The following PYGO1 variants were observed in gnomAD, a reference collection of about 807,000 sequenced individuals.
The protein encoded by PYGO1 is pygopus family PHD finger 1, also known as pygopus homolog 1.
In PYGO1, 6 loss-of-function variants were observed where a neutral mutation model predicts 29.5. The observed-to-expected ratio is 0.20, with a 90% CI of 0.11 to 0.40. The LOEUF (loss-of-function observed/expected upper bound fraction) is 0.40. PYGO1 is among the 10% of genes least tolerant of loss of function. The pLI, the probability that PYGO1 is intolerant of heterozygous loss-of-function variation, is 1.00. For synonymous variants in PYGO1, 186 were observed against 180.5 expected (o/e 1.03, Z -0.24); for missense variants, 515 against 514.9 (o/e 1.00, Z 0.00).
Position 55,546,318 on chromosome 15 carries a change from C to T in PYGO1, c.965G>A (p.Ser322Asn), listed in dbSNP as rs1444364514. 34 of 1,614,028 alleles carry T rather than the reference C, an allele frequency of 2.1e-5. No homozygotes were observed. The highest frequency in any genetic ancestry group is 2.8e-5 in the Non-Finnish European group (33 of 1,180,024). ...GAADACTTEKSNKSSLHPNRH... is the reference protein window; with the variant it reads ...GAADACTTEKNNKSSLHPNRH... ...GTTTGGGTGAAGAGAGGATTTATTG[C>T]TTTTTTCTGTGGTGCAGGCATCTGC... Residue 322 changes from serine to asparagine, a missense_variant, in exon 3 of 3, where the codon AGC becomes AAC. By Grantham distance (46) the Ser-to-Asn change is conservative. Coordinates refer to ENST00000563719, the MANE Select transcript of PYGO1 (RefSeq NM_001367806.1).
rs1477392269 is a variant in PYGO1 at position 55,546,903 on chromosome 15, T to A, written c.380A>T (p.Gln127Leu). Reference sequence around the variant, plus strand: ...AGGATTCTGAGGAAATGGGTGTGGCTGGTTCCTGAGTGAGTAAGGACCACA... The same window carrying A: ...AGGATTCTGAGGAAATGGGTGTGGCAGGTTCCTGAGTGAGTAAGGACCACA... ...PYCGPYSLRN[Q>L]PHPFPQNPLG... The change falls in exon 3 of 3, where the codon CAG (glutamine) becomes CTG (leucine). Residue 127 changes from glutamine to leucine, a missense_variant. By Grantham distance (113) the Gln-to-Leu change is moderately radical. Coordinates refer to ENST00000563719, the MANE Select transcript of PYGO1 (RefSeq NM_001367806.1). 1 of 1,614,184 alleles carries A rather than the reference T, an allele frequency of 6.2e-7. No homozygotes were observed. The highest frequency in any genetic ancestry group is 8.5e-7 in the Non-Finnish European group (1 of 1,180,034).
intron 1 of PYGO1, among the ~76,000 whole-genome samples, chr15:55,574,089 T>C (rs1302748333): frequency 2.0e-5 from 3 of 152,168 alleles, no homozygotes; most frequent in Admixed American, 6.5e-5. Flanking sequence ...GCACTTTATA[T>C]GGGTCCCATG....
chr15:55,555,048 T>C (rs567842324), intron 1 of PYGO1, among the ~76,000 whole-genome samples: 4 of 151,286 alleles, frequency 2.6e-5, no homozygotes, highest in Admixed American at 6.6e-5. Flanking sequence ...AACCCCAAGA[T>C]ACATAATCAT....
intron 1 of PYGO1, among the ~76,000 whole-genome samples, chr15:55,553,281 C>T (rs750034612): frequency 6.6e-6 from 1 of 152,282 alleles, no homozygotes; most frequent in Admixed American, 6.5e-5. Context: ...GCTGTCTCTG[C>T]AGTTCAGTAG....
intron 1 of PYGO1, among the ~76,000 whole-genome samples, chr15:55,574,356 CATT>C (rs1447899363): frequency 4.6e-5 from 7 of 152,282 alleles, no homozygotes; most frequent in Admixed American, 2.0e-4. Flanking sequence ...AATACTGCAT[CATT>C]GTTTACCTTC....
At chr15:55,566,410 CT>C (rs879658021) in intron 1 of PYGO1, among the ~76,000 whole-genome samples, 46 of 146,620 alleles carry the variant, frequency 3.1e-4, no homozygotes, top group South Asian at 8.7e-4. Context: ...AGATTTCATT[CT>C]TTTTTTTTTA....
intron 1 of PYGO1, among the ~76,000 whole-genome samples, chr15:55,580,923 T>C (rs1041540864): frequency 6.6e-6 from 1 of 152,230 alleles, no homozygotes; most frequent in African/African-American, 2.4e-5. Context: ...ACTAATGACT[T>C]GAAGTTACTG....
rs2058820643 is a variant in PYGO1 at position 55,539,586 on chromosome 15, TAGC to T, written c.*6434_*6436del. 1 of 151,994 alleles carries T rather than the reference TAGC, an allele frequency of 6.6e-6. No homozygotes were observed. The highest frequency in any genetic ancestry group is 6.6e-5 in the Admixed American group (1 of 15,258). 9.4% of individuals were successfully genotyped at this position (151,994 alleles called of 1,614,324 possible). A position where few individuals can be genotyped will look rare whatever the true frequency, so the allele number is the denominator to read the frequency against. On this transcript the variant is annotated 3_prime_UTR_variant, in exon 3 of 3. Coordinates refer to ENST00000563719, the MANE Select transcript of PYGO1 (RefSeq NM_001367806.1). ...AGTTCTAAAAGAATGTATGTGAAAATAGCAGACAAAAATAAATCCCTAACATGT... is the reference window on the plus strand; with the variant it reads ...AGTTCTAAAAGAATGTATGTGAAAATAGACAAAAATAAATCCCTAACATGT...
At position 55,538,935 on chromosome 15, in the gene PYGO1, A is replaced by T. The variant is rs2058817873; in HGVS notation, c.*7088T>A. ...TTAAAAGAATCTGAACCATAATAAC[A>T]CTATAGGAAACAAACTTACAATACA... is the stretch of plus-strand genomic sequence containing the variant. On this transcript the variant is annotated 3_prime_UTR_variant, in exon 3 of 3. Coordinates refer to ENST00000563719, the MANE Select transcript of PYGO1 (RefSeq NM_001367806.1). 6.6e-6 allele frequency: 1 copy of T among 152,236 alleles called. No individual in the cohort carries two copies. The highest frequency in any genetic ancestry group is 2.4e-5 in the African/African-American group (1 of 41,464). The allele number at this position is 152,236 out of a possible 1,614,324, so 9.4% of individuals were successfully genotyped here.
At chr15:55,549,111 G>C (rs956451526) in intron 1 of PYGO1, 116 bp from the exon 2 acceptor site, 2 of 723,596 alleles carry the variant, frequency 2.8e-6, no homozygotes, top group African/African-American at 1.8e-5. Context: ...TTAGACAAGA[G>C]CAATACTTTT....
chr15:55,566,071 G>A (rs991286278), intron 1 of PYGO1, among the ~76,000 whole-genome samples: 6 of 152,104 alleles, frequency 3.9e-5, no homozygotes, highest in Non-Finnish European at 8.8e-5. Flanking sequence ...GTGAGCCACC[G>A]TGTCTGGCTT....
chr15:55,560,023 A>C (rs2058926067), intron 1 of PYGO1, among the ~76,000 whole-genome samples: 1 of 152,128 alleles, frequency 6.6e-6, no homozygotes. Flanking sequence ...TATTGAACAA[A>C]CATACTTAAA....
At chr15:55,548,707 T>TAAAAAAAAAAA (rs60796044) in intron 2 of PYGO1, among the ~76,000 whole-genome samples, 10 of 55,448 alleles carry the variant, frequency 1.8e-4, no homozygotes, top group African/African-American at 5.8e-4. Flanking sequence ...AGAATCCACC[T>TAAAAAAAAAAA]AAAAAAAAAA....
Position 55,580,603 on chromosome 15 carries a change from C to A in PYGO1, c.49+7232G>T, listed in dbSNP as rs542434029. ...CACTTTGCAGCTGAGGAAACTGATGCAGAGATGTTAAGTAACTTGCCAAGG... is the reference window on the plus strand; with the variant it reads ...CACTTTGCAGCTGAGGAAACTGATGAAGAGATGTTAAGTAACTTGCCAAGG... On this transcript the variant is annotated intron_variant, in intron 1 of 2. Transcript: ENST00000563719. 2.6e-5 allele frequency among the ~76,000 whole-genome samples: 4 copies of A among 152,264 alleles called. No individual in the cohort carries two copies. In the South Asian group the frequency reaches 8.3e-4, roughly 32 times the overall value.
chr15:55,547,091 G>A lies in PYGO1; in HGVS notation c.192C>T (p.Asp64=). 1 of 1,611,864 alleles carries A rather than the reference G, an allele frequency of 6.2e-7. No individual in the cohort carries two copies. Among genetic ancestry groups the A allele is most frequent in the Non-Finnish European group, 8.5e-7 (1 of 1,179,098 alleles). ...EYAPPPNPNS[D]HLVAANPFDD... The stretch of plus-strand genomic sequence containing the variant: ...CAAATGGATTAGCAGCCACTAGATG[G>A]TCAGAGTTTGGATTCGGTGGTGGAG... Residue 64 remains aspartate, a synonymous_variant, in exon 3 of 3, where the codon GAC becomes GAT. Coordinates refer to ENST00000563719, the MANE Select transcript of PYGO1 (RefSeq NM_001367806.1).
Position 55,543,620 on chromosome 15 carries a change from C to A in PYGO1, c.*2403G>T, listed in dbSNP as rs1319322857. 1 of 152,020 alleles carries A rather than the reference C, an allele frequency of 6.6e-6. No homozygotes were observed. The highest frequency in any genetic ancestry group is 6.5e-5 in the Admixed American group (1 of 15,270). The allele number at this position is 152,020 out of a possible 1,614,324, so 9.4% of individuals were successfully genotyped here. A position where few individuals can be genotyped will look rare whatever the true frequency, so the allele number is the denominator to read the frequency against. ...CTTGGGAGAAGTTATTTCATTTTCA[C>A]AAAAACAGCTAACTACTGAAACTTA... On this transcript the variant is annotated 3_prime_UTR_variant, in exon 3 of 3. Transcript: ENST00000563719.
chr15:55,562,112 G>C (rs953558037), intron 1 of PYGO1, among the ~76,000 whole-genome samples: 6 of 152,154 alleles, frequency 3.9e-5, no homozygotes, highest in African/African-American at 1.4e-4. Context: ...CTGATCATTA[G>C]AGAAATGCAA....
chr15:55,564,215 A>G (rs2058945293), intron 1 of PYGO1, among the ~76,000 whole-genome samples: 1 of 152,270 alleles, frequency 6.6e-6, no homozygotes, highest in African/African-American at 2.4e-5. Context: ...GTATATCTAT[A>G]CAATGAAACA....
chr15:55,544,393 C>T lies in PYGO1; in HGVS notation c.*1630G>A, dbSNP rs572073788. On this transcript the variant is annotated 3_prime_UTR_variant, in exon 3 of 3. Transcript: ENST00000563719. Reference sequence around the variant, plus strand: ...ATGCATTGTTTCTTAGAAAAAGCTCCAAATGATAGACAGTAGTCCATGGAA... The same window carrying T: ...ATGCATTGTTTCTTAGAAAAAGCTCTAAATGATAGACAGTAGTCCATGGAA... 1 of 152,158 alleles carries T rather than the reference C, an allele frequency of 6.6e-6. No individual in the cohort carries two copies. Among genetic ancestry groups the T allele is most frequent in the African/African-American group, 2.4e-5 (1 of 41,524 alleles). 9.4% of individuals were successfully genotyped at this position (152,158 alleles called of 1,614,324 possible).
Sources: allele counts gnomAD v4.1 joint callset (sites outside exome capture counted in the v4.1 genomes callset), GRCh38; gene constraint gnomAD v4.1.1; transcripts MANE v1.5; gene names NCBI Gene and HGNC (gene_info 2026-07-23, HGNC 2026-07-21).